NAV2: variants seen among roughly 807,000 people sequenced by gnomAD.
NAV2 encodes helicase, APC down-regulated 1.
A neutral mutation model predicts 223.2 loss-of-function variants in NAV2; 54 were observed. The observed-to-expected ratio is 0.24, with a 90% CI of 0.19 to 0.30. NAV2 has a LOEUF of 0.30. NAV2 is among the 10% of genes least tolerant of loss of function. The pLI is 1.00. For missense variants in NAV2, 2,806 were observed against 3,147.5 expected, an observed-to-expected ratio of 0.89 and a Z score of 2.60; for synonymous variants, 1,279 against 1,239.3, an observed-to-expected ratio of 1.03 and a Z score of -0.67.
chr11:20,015,411 A>G (rs2053920716), intron 11 of NAV2, among the ~76,000 whole-genome samples: 1 of 152,144 alleles, frequency 6.6e-6, no homozygotes, highest in African/African-American at 2.4e-5. Flanking sequence ...CAAGATTTTC[A>G]CCAAAATTGT....
At chr11:19,819,278 A>T (rs2152841855) in intron 1 of NAV2, among the ~76,000 whole-genome samples, 1 of 152,330 alleles carries the variant, frequency 6.6e-6, no homozygotes, top group Non-Finnish European at 1.5e-5. Context: ...TTCTGTTAGG[A>T]GTAGGCAAGC....
chr11:19,391,100 A>G (rs931831691), intron 1 of NAV2, among the ~76,000 whole-genome samples: 1 of 152,200 alleles, frequency 6.6e-6, no homozygotes, highest in East Asian at 1.9e-4. Context: ...GAGTCACCGT[A>G]CCCCAAAGCT....
chr11:19,829,114 G>A (rs1347042745), intron 1 of NAV2, among the ~76,000 whole-genome samples: 1 of 152,172 alleles, frequency 6.6e-6, no homozygotes, highest in Non-Finnish European at 1.5e-5. Flanking sequence ...ATGAGCTGAG[G>A]CACAGCATCT....
intron 1 of NAV2, among the ~76,000 whole-genome samples, chr11:19,737,015 G>A (rs747240053): frequency 2.1e-4 from 32 of 152,254 alleles, no homozygotes; most frequent in Non-Finnish European, 4.3e-4. Flanking sequence ...GTGCCAGCCA[G>A]GAGGGGCAGT....
chr11:20,030,347 T>G (rs1170379467), intron 11 of NAV2, among the ~76,000 whole-genome samples: 1 of 152,244 alleles, frequency 6.6e-6, no homozygotes, highest in Non-Finnish European at 1.5e-5. Context: ...AAATATCTTA[T>G]TTTTAAGAGT....
At chr11:19,402,616 C>T (rs1294939187) in intron 1 of NAV2, among the ~76,000 whole-genome samples, 1 of 151,894 alleles carries the variant, frequency 6.6e-6, no homozygotes, top group Non-Finnish European at 1.5e-5. Flanking sequence ...CTGCTTTATC[C>T]CCAGTACCTG....
At chr11:20,083,295 T>A in intron 26 of NAV2, 116 bp downstream of exon 26, 1 of 799,600 alleles carries the variant, frequency 1.3e-6, no homozygotes. Flanking sequence ...TATGCTTTGC[T>A]TTAATAGGAC....
chr11:19,583,665 T>C (rs1372976548), intron 1 of NAV2, among the ~76,000 whole-genome samples: 3 of 152,252 alleles, frequency 2.0e-5, no homozygotes, highest in African/African-American at 7.2e-5. Flanking sequence ...GTTCTGTTTA[T>C]ATGCTGGATT....
chr11:19,967,784 G>A (rs2048896282), intron 10 of NAV2, among the ~76,000 whole-genome samples: 1 of 152,132 alleles, frequency 6.6e-6, no homozygotes, highest in Non-Finnish European at 1.5e-5. Context: ...TCTTTCAAAG[G>A]TCTTTCAGTT....
chr11:19,514,402 C>G (rs2043375509), intron 1 of NAV2, among the ~76,000 whole-genome samples: 1 of 152,130 alleles, frequency 6.6e-6, no homozygotes, highest in Non-Finnish European at 1.5e-5. Context: ...GTTTTTCTGA[C>G]CTTATTTTTA....
At chr11:19,585,384 A>AG (rs200077306) in intron 1 of NAV2, among the ~76,000 whole-genome samples, 1,892 of 152,140 alleles carry the variant, frequency 0.012, 27 homozygotes, top group South Asian at 0.039. Context: ...TTTACATTTA[A>AG]GTTAATATTG....
chr11:19,884,395 T>C (rs754189861), intron 5 of NAV2: 2 of 1,566,466 alleles, frequency 1.3e-6, no homozygotes, highest in Non-Finnish European at 1.8e-6. Context: ...CAAAGCATGG[T>C]TTAATCCCAA....
Position 19,467,010 on chromosome 11 carries a change from C to CACACACACACACACACACAG in NAV2, c.75+115992_75+115993insCACACACACAGACACACACA, listed in dbSNP as rs1564959991. 2.6e-3 allele frequency among the ~76,000 whole-genome samples: 358 copies of CACACACACACACACACACAG among 135,954 alleles called. 3 individuals are homozygous for CACACACACACACACACACAG. The highest frequency in any genetic ancestry group is 9.0e-3 in the African/African-American group (338 of 37,630). The allele number at this position is 135,954 out of a possible 152,430, so 89.2% of individuals were successfully genotyped here. On this transcript the variant is annotated intron_variant, in intron 1 of 37. Transcript: ENST00000360655. The stretch of plus-strand genomic sequence containing the variant: ...ACACACACACACACACACACACACA[C>CACACACACACACACACACAG]ACACACACAGAGAGAGAGAGAGAGA...
chr11:19,732,230 G>GC (rs1459457904), intron 1 of NAV2, among the ~76,000 whole-genome samples: 1 of 151,036 alleles, frequency 6.6e-6, no homozygotes, highest in Non-Finnish European at 1.5e-5. Flanking sequence ...CTGTACTCCA[G>GC]CCTGGGTGAC....
chr11:19,792,315 G>A (rs1189508727), intron 1 of NAV2, among the ~76,000 whole-genome samples: 1 of 152,176 alleles, frequency 6.6e-6, no homozygotes, highest in Non-Finnish European at 1.5e-5. Context: ...ACTGCCAGGG[G>A]GATTTTGTTC....
chr11:20,040,907 C>T (rs12794674), intron 12 of NAV2, among the ~76,000 whole-genome samples: 67,027 of 152,032 alleles, frequency 0.44, 15,240 homozygotes, highest in Admixed American at 0.59. Flanking sequence ...CGGCATGTAG[C>T]TCATGAAGGA....
At chr11:19,826,664 A>C (rs551067509) in intron 1 of NAV2, among the ~76,000 whole-genome samples, 1 of 152,288 alleles carries the variant, frequency 6.6e-6, no homozygotes, top group Non-Finnish European at 1.5e-5. Context: ...GGGGACAGGG[A>C]GGGAAGGGAG....
intron 1 of NAV2, among the ~76,000 whole-genome samples, chr11:19,792,602 A>C (rs1036644110): frequency 6.6e-6 from 1 of 152,228 alleles, no homozygotes; most frequent in Non-Finnish European, 1.5e-5. Flanking sequence ...CAAACCTGCC[A>C]GCAATTACAG....
chr11:19,484,910 T>C (rs926595360), intron 1 of NAV2, among the ~76,000 whole-genome samples: 1 of 152,190 alleles, frequency 6.6e-6, no homozygotes, highest in Non-Finnish European at 1.5e-5. Context: ...GGGAGGACCC[T>C]GTGTGGTGAA....
Sources: allele counts gnomAD v4.1 joint callset (sites outside exome capture counted in the v4.1 genomes callset), GRCh38; gene constraint gnomAD v4.1.1; transcripts MANE v1.5; gene names NCBI Gene and HGNC (gene_info 2026-07-23, HGNC 2026-07-21).